HPS4: variants seen among roughly 807,000 people sequenced by gnomAD.
HPS4 encodes the protein HPS4 biogenesis of lysosomal organelles complex 3 subunit 2.
In HPS4, 44 loss-of-function variants were observed where a neutral mutation model predicts 70.3. The observed-to-expected ratio is 0.63, with a 90% CI of 0.49 to 0.80. The LOEUF is 0.80. Ranked by LOEUF, HPS4 falls within the 30% of genes least tolerant of loss-of-function variation. HPS4 has a pLI of 0.00. For synonymous variants in HPS4, 377 were observed against 355.9 expected, an observed-to-expected ratio of 1.06 and a Z score of -0.67; for missense variants, 873 against 884.4, an observed-to-expected ratio of 0.99 and a Z score of 0.16.
intron 7 of HPS4, among the ~76,000 whole-genome samples, chr22:26,470,067 T>C (rs908038059): frequency 6.6e-6 from 1 of 152,264 alleles, no homozygotes; most frequent in Non-Finnish European, 1.5e-5. Flanking sequence ...TACACAGTAG[T>C]TGCCTGCTCC....
At chr22:26,482,907 C>G (rs562591651) in intron 1 of HPS4, 4 of 152,256 alleles carry the variant, frequency 2.6e-5, no homozygotes, top group Non-Finnish European at 4.4e-5. Context: ...TCTAATTCTT[C>G]CATGTGACAA....
chr22:26,468,266 AC>A, intron 8 of HPS4: 2 of 466,852 alleles, frequency 4.3e-6, no homozygotes, highest in Non-Finnish European at 7.9e-6. Flanking sequence ...CATCTCTTTG[AC>A]ATAAAGAGAC....
intron 11 of HPS4, among the ~76,000 whole-genome samples, chr22:26,462,691 C>T (rs760263899): frequency 1.3e-5 from 2 of 152,066 alleles, no homozygotes; most frequent in Admixed American, 1.3e-4. Flanking sequence ...TTCCAAGGCT[C>T]GACACTGTGC....
intron 7 of HPS4, among the ~76,000 whole-genome samples, chr22:26,469,302 A>AAC (rs2089342178): frequency 6.6e-6 from 1 of 151,386 alleles, no homozygotes; most frequent in South Asian, 2.1e-4. Flanking sequence ...AAAAAAAAAA[A>AAC]ATCAAAAGCT....
chr22:26,466,133 A>C, intron 9 of HPS4, 93 bp downstream of exon 9: 1 of 1,612,540 alleles, frequency 6.2e-7, no homozygotes, highest in Non-Finnish European at 8.5e-7. Context: ...ATAAACATGC[A>C]GATGGCTTGG....
chr22:26,482,809 C>G (rs1358879910), intron 1 of HPS4: 1 of 152,200 alleles, frequency 6.6e-6, no homozygotes, highest in Non-Finnish European at 1.5e-5. Flanking sequence ...TTTCTCCTTC[C>G]AACAAACTAA....
intron 3 of HPS4, among the ~76,000 whole-genome samples, chr22:26,477,875 C>CA (rs1182676446): frequency 6.6e-6 from 1 of 152,046 alleles, no homozygotes; most frequent in Non-Finnish European, 1.5e-5. Context: ...AATTCAATGG[C>CA]ATAGAGGAGG....
At chr22:26,463,874 G>A (rs1037852081) in intron 11 of HPS4, 43 bp downstream of exon 11, 8 of 1,595,060 alleles carry the variant, frequency 5.0e-6, no homozygotes, top group Non-Finnish European at 6.0e-6. Context: ...CAGGAGATCG[G>A]CAGAGGCCGC....
chr22:26,447,044 A>G (rs1024829307), downstream of HPS4, among the ~76,000 whole-genome samples: 1 of 152,064 alleles, frequency 6.6e-6, no homozygotes, highest in African/African-American at 2.4e-5. Context: ...CTGCTTTTAA[A>G]CCTATCCTGC....
At position 26,469,702 on chromosome 22, in the gene HPS4, GA is replaced by G. The variant is rs989441973; in HGVS notation, c.596+1016del. Among the ~76,000 whole-genome samples, 393 of 55,284 alleles carry G rather than the reference GA, an allele frequency of 7.1e-3. 2 individuals are homozygous for G. Among genetic ancestry groups the G allele is most frequent in the African/African-American group, 0.016 (333 of 21,036 alleles). 36.3% of individuals were successfully genotyped at this position (55,284 alleles called of 152,430 possible). A position where few individuals can be genotyped will look rare whatever the true frequency, so the allele number is the denominator to read the frequency against. ...CTCGTCCCTACAAAAAAAAAAAAAA[GA>G]AAAAAAAATATATATATATACATTT... On this transcript the variant is annotated intron_variant, in intron 7 of 13. Coordinates refer to ENST00000398145, the MANE Select transcript of HPS4 (RefSeq NM_022081.6).
At chr22:26,456,713 CTAATAT>C (rs1422623802) in intron 13 of HPS4, among the ~76,000 whole-genome samples, 1 of 4,032 alleles carries the variant, frequency 2.5e-4, no homozygotes, top group African/African-American at 4.0e-4. Context: ...ACTACGTGGA[CTAATAT>C]ACACATTGCC....
Position 26,457,912 on chromosome 22 carries a change from G to A in HPS4, c.1902C>T (p.Ser634=), listed in dbSNP as rs553114134. 22 of 1,614,086 alleles carry A rather than the reference G, an allele frequency of 1.4e-5. No individual in the cohort carries two copies. Among genetic ancestry groups the A allele is most frequent in the Non-Finnish European group, 1.8e-5 (21 of 1,180,048 alleles). ...PQDRRFLQAV[S]LMHSEFAQLP... ...GCTGGGCAAATTCGCTATGCATCAGGCTGACGGCCTGGAGGAAGCGGCGAT... is the reference window on the plus strand; with the variant it reads ...GCTGGGCAAATTCGCTATGCATCAGACTGACGGCCTGGAGGAAGCGGCGAT... The change falls in exon 13 of 14, where the codon AGC becomes AGT. Residue 634 remains serine, a synonymous_variant. Transcript: ENST00000398145.
chr22:26,446,025 G>A (rs2084942476), downstream of HPS4, among the ~76,000 whole-genome samples: 1 of 152,196 alleles, frequency 6.6e-6, no homozygotes, highest in African/African-American at 2.4e-5. Context: ...GAAGGGAAGA[G>A]CGCCACTCAC....
At chr22:26,460,496 A>G (rs148313727) in intron 11 of HPS4, among the ~76,000 whole-genome samples, 546 of 152,372 alleles carry the variant, frequency 3.6e-3, no homozygotes, top group Admixed American at 7.3e-3. Flanking sequence ...CATCCCTTCC[A>G]TGCTGAGCTG....
In HPS4 at chr22:26,465,488, C is replaced by CATT. The variant is rs1183188880; in HGVS notation, c.769_770insAAT (p.Ser257delinsLysCys). ...CTGTTCCACCGGGAACTCGTGGAGA[C>CATT]TAATGGCTTCCTCTTTGGTCACAAA... On this transcript the variant is annotated protein_altering_variant, in exon 10 of 14. Transcript: ENST00000398145. 6.2e-7 allele frequency: 1 copy of CATT among 1,613,962 alleles called. No homozygotes were observed. Among genetic ancestry groups the CATT allele is most frequent in the African/African-American group, 1.3e-5 (1 of 74,922 alleles).
At chr22:26,458,684 C>A (rs765120573) in intron 11 of HPS4, 107 bp from the exon 12 acceptor site, 1 of 1,319,668 alleles carries the variant, frequency 7.6e-7, no homozygotes, top group Non-Finnish European at 1.1e-6. Flanking sequence ...CAGCCAGGCA[C>A]GGTGGCTCAC....
intron 7 of HPS4, 32 bp downstream of exon 7, chr22:26,470,687 G>C: frequency 6.2e-7 from 1 of 1,602,910 alleles, no homozygotes; most frequent in African/African-American, 1.3e-5. Flanking sequence ...CAAGGGAATG[G>C]GGCTGGAAGA....
chr22:26,450,597 T>C (rs936752901), downstream of HPS4, among the ~76,000 whole-genome samples: 3 of 152,196 alleles, frequency 2.0e-5, no homozygotes, highest in Non-Finnish European at 2.9e-5. Flanking sequence ...ATGGTTTGGC[T>C]GTGTTCCCAC....
intron 11 of HPS4, among the ~76,000 whole-genome samples, chr22:26,463,034 T>C (rs527853669): frequency 2.0e-5 from 3 of 152,318 alleles, no homozygotes; most frequent in African/African-American, 4.8e-5. Context: ...CTTAGAATAA[T>C]ACACATTTAA....
Sources: gnomAD v4.1 joint callset for allele counts (sites outside exome capture counted in the v4.1 genomes callset) on GRCh38, gnomAD v4.1.1 for gene constraint, MANE v1.5 for transcripts, NCBI Gene and HGNC (gene_info 2026-07-23, HGNC 2026-07-21) for gene names.